SLC39A10: variants seen among roughly 807,000 people sequenced by gnomAD.
The protein encoded by SLC39A10 is solute carrier family 39 member 10, also known as zinc transporter ZIP10.
In SLC39A10, 13 loss-of-function variants were observed where a neutral mutation model predicts 65.1. The ratio of observed to expected loss-of-function variants is 0.20; its 90% CI spans 0.13 to 0.32. The LOEUF (loss-of-function observed/expected upper bound fraction) is 0.32. Ranked by LOEUF, SLC39A10 falls within the 10% of genes least tolerant of loss-of-function variation. The probability of loss-of-function intolerance (pLI) is 1.00; values close to 1 mark genes in which losing one functional copy is unlikely to be tolerated. For synonymous variants in SLC39A10, 321 were observed against 342.2 expected, an observed-to-expected ratio of 0.94 and a Z score of 0.68; for missense variants, 831 against 1,018.4, an observed-to-expected ratio of 0.82 and a Z score of 2.50.
rs565780037 is a variant in SLC39A10 at position 195,674,517 on chromosome 2, T to A, written c.-11-5515T>A. The A allele has an allele frequency of 1.8e-4, 156 of 886,422 alleles. No homozygotes were observed. In the African/African-American group the frequency reaches 2.7e-3, roughly 15 times the overall value. The allele number at this position is 886,422 out of a possible 1,614,324, so 54.9% of individuals were successfully genotyped here. On this transcript the variant is annotated intron_variant, in intron 1 of 9. Transcript: ENST00000359634. ...GTCTTGAACTCCTGACCTCAGGTGA[T>A]CCACCCGCCTCGGCCTCCCAAAGTA...
At chr2:195,707,292 C>A (rs1691440022) in intron 4 of SLC39A10, among the ~76,000 whole-genome samples, 1 of 152,168 alleles carries the variant, frequency 6.6e-6, no homozygotes, top group Non-Finnish European at 1.5e-5. Context: ...AGCCCATATT[C>A]CTAGTACCAT....
At chr2:195,707,262 C>T (rs768070731) in intron 4 of SLC39A10, among the ~76,000 whole-genome samples, 5 of 152,140 alleles carry the variant, frequency 3.3e-5, no homozygotes, top group Non-Finnish European at 7.4e-5. Flanking sequence ...TTTGGGGACA[C>T]TTCTAATTAT....
At chr2:195,640,371 G>C (rs1374932552) in intron 2 of SLC39A10, among the ~76,000 whole-genome samples, 1 of 149,948 alleles carries the variant, frequency 6.7e-6, no homozygotes, top group Admixed American at 6.6e-5. Context: ...AAAAATCCCA[G>C]AGTGATCAAA....
At chr2:195,631,238 A>G (rs577044299) in intron 2 of SLC39A10, among the ~76,000 whole-genome samples, 11 of 151,988 alleles carry the variant, frequency 7.2e-5, no homozygotes, top group Admixed American at 2.0e-4. Context: ...GCTTTATGAC[A>G]TAGAGCTAGA....
intron 2 of SLC39A10, among the ~76,000 whole-genome samples, chr2:195,615,951 G>A (rs1688197908): frequency 6.6e-6 from 1 of 152,130 alleles, no homozygotes; most frequent in Non-Finnish European, 1.5e-5. Flanking sequence ...TAAAGGCAGA[G>A]ATTGTCTCAC....
chr2:195,660,965 G>T (rs1689371263), intron 1 of SLC39A10, among the ~76,000 whole-genome samples: 1 of 151,926 alleles, frequency 6.6e-6, no homozygotes, highest in African/African-American at 2.4e-5. Context: ...GACTTTTATA[G>T]AATGATTCTT....
At chr2:195,722,946 C>A (rs6756374) in intron 8 of SLC39A10, among the ~76,000 whole-genome samples, 108,375 of 152,026 alleles carry the variant, frequency 0.71, 38,723 homozygotes, top group Non-Finnish European at 0.73. Context: ...CTGTTTTTCC[C>A]GTGGTATATT....
chr2:195,733,268 A>G lies in SLC39A10; in HGVS notation c.2338-1615A>G, dbSNP rs556133919. ...TCCCAGAGGGTAGCATATCAGTGTC[A>G]TCTTTCTGTAGATAATGACTGCAAA... On this transcript the variant is annotated intron_variant, in intron 9 of 9. Transcript: ENST00000359634. Among the ~76,000 whole-genome samples the G allele has an allele frequency of 2.0e-5, 3 of 152,342 alleles. No homozygotes were observed. In the South Asian group the frequency reaches 6.2e-4, roughly 32 times the overall value.
At chr2:195,695,701 C>G (rs570548305) in intron 3 of SLC39A10, among the ~76,000 whole-genome samples, 1 of 152,192 alleles carries the variant, frequency 6.6e-6, no homozygotes, top group African/African-American at 2.4e-5. Context: ...CTGCTCTGTC[C>G]GAGCAGGAGC....
intron 2 of SLC39A10, among the ~76,000 whole-genome samples, chr2:195,615,949 G>C (rs975762284): frequency 2.0e-5 from 3 of 152,166 alleles, no homozygotes; most frequent in Non-Finnish European, 4.4e-5. Context: ...CCTAAAGGCA[G>C]AGATTGTCTC....
intron 3 of SLC39A10, among the ~76,000 whole-genome samples, chr2:195,696,745 CTATTATA>C (rs1690977897): frequency 6.6e-6 from 1 of 151,628 alleles, no homozygotes; most frequent in African/African-American, 2.4e-5. Flanking sequence ...TATGTTATAT[CTATTATA>C]TATTGTATAT....
chr2:195,662,578 C>G (rs1689449466), intron 1 of SLC39A10, among the ~76,000 whole-genome samples: 1 of 152,096 alleles, frequency 6.6e-6, no homozygotes, highest in South Asian at 2.1e-4. Context: ...CCAGCCTATG[C>G]TATTACTTTA....
In SLC39A10 at chr2:195,728,453, A is replaced by G; in HGVS notation, c.2337+104A>G. 1 of 1,097,618 alleles carries G rather than the reference A, an allele frequency of 9.1e-7. No individual in the cohort carries two copies. The highest frequency in any genetic ancestry group is 2.4e-5 in the East Asian group (1 of 40,946). 68.0% of individuals were successfully genotyped at this position (1,097,618 alleles called of 1,614,324 possible). On this transcript the variant is annotated intron_variant, in intron 9 of 9. Transcript: ENST00000359634. This position sits in a 1 kb window ranked among gnomAD's most constrained non-coding sequence, Gnocchi z 4.4. ...TTTTTGAAAATATAACTCATTTTAA[A>G]GACATAATATCCTAAATAATCTCTT...
At chr2:195,617,996 C>A (rs1688262707) in intron 2 of SLC39A10, among the ~76,000 whole-genome samples, 1 of 151,116 alleles carries the variant, frequency 6.6e-6, no homozygotes, top group African/African-American at 2.4e-5. Context: ...ACCTTGGCCT[C>A]CCAAAGTGCT....
At chr2:195,646,711 G>A (rs1464331316) in intron 2 of SLC39A10, among the ~76,000 whole-genome samples, 1 of 151,884 alleles carries the variant, frequency 6.6e-6, no homozygotes, top group Admixed American at 6.6e-5. Flanking sequence ...TGAGCGGAGG[G>A]TGAGCGAGCA....
intron 1 of SLC39A10, among the ~76,000 whole-genome samples, chr2:195,674,173 C>T (rs545217052): frequency 1.8e-4 from 28 of 152,282 alleles, no homozygotes; most frequent in Non-Finnish European, 3.7e-4. Flanking sequence ...ACATTTATAA[C>T]TGCAGTGTAA....
rs767017578 is a variant in SLC39A10, at chr2:195,651,079, TG to T, written c.-11-28952del. On this transcript the variant is annotated intron_variant, in intron 2 of 2. Transcript: ENST00000458054. Reference sequence around the variant, plus strand: ...GAATGAGACCCCGTCTCAAAAAAAATGTTTTTTTTTTTTTATTTAGAAAGGA... The same window carrying T: ...GAATGAGACCCCGTCTCAAAAAAAATTTTTTTTTTTTTTATTTAGAAAGGA... Among the ~76,000 whole-genome samples, 252 of 148,684 alleles carry T rather than the reference TG, an allele frequency of 1.7e-3. 2 individuals are homozygous for T. The East Asian group carries it at 0.029, about 17-fold the overall frequency.
At chr2:195,645,200 C>T (rs1308756827) in intron 2 of SLC39A10, among the ~76,000 whole-genome samples, 2 of 151,896 alleles carry the variant, frequency 1.3e-5, no homozygotes, top group Non-Finnish European at 1.5e-5. Context: ...TGAGCCACCG[C>T]GCCTGGCCAT....
chr2:195,676,361 C>CT (rs372606204), intron 1 of SLC39A10, among the ~76,000 whole-genome samples: 484 of 142,444 alleles, frequency 3.4e-3, no homozygotes, highest in South Asian at 0.012. Context: ...GGCCTATAAG[C>CT]TTTTTTTTTT....
Sources: allele counts gnomAD v4.1 joint callset (sites outside exome capture counted in the v4.1 genomes callset), GRCh38; gene constraint gnomAD v4.1.1; non-coding constraint Gnocchi (gnomAD v3.1); transcripts MANE v1.5; gene names NCBI Gene and HGNC (gene_info 2026-07-23, HGNC 2026-07-21).